The following ASIC2 variants were observed in gnomAD, a reference collection of about 807,000 sequenced individuals.
The protein encoded by ASIC2 is acid sensing ion channel subunit 2.
A neutral mutation model predicts 57.3 loss-of-function variants in ASIC2; 25 were observed. The observed-to-expected ratio is 0.44, with a 90% CI of 0.32 to 0.61. The LOEUF is 0.61. Among genes scored for constraint, ASIC2 ranks in the 20% least tolerant of loss-of-function variants. ASIC2 has a pLI of 0.06. For missense variants in ASIC2, 641 were observed against 738.1 expected (o/e 0.87, Z 1.52); for synonymous variants, 319 against 307.5 (o/e 1.04, Z -0.39).
intron 1 of ASIC2, chr17:34,003,970 TTGG>T (rs1186969494): frequency 6.6e-6 from 1 of 152,230 alleles, no homozygotes; most frequent in Non-Finnish European, 1.5e-5. Context: ...CAGCATGCAA[TTGG>T]CCATCTGATG....
At chr17:33,230,496 G>A (rs1487204375) in intron 1 of ASIC2, among the ~76,000 whole-genome samples, 2 of 152,234 alleles carry the variant, frequency 1.3e-5, no homozygotes, top group Admixed American at 1.3e-4. Flanking sequence ...GGCAAGTGGT[G>A]TGAAGGTACA....
chr17:33,020,622 C>T (rs2091831559), intron 7 of ASIC2, among the ~76,000 whole-genome samples: 1 of 152,096 alleles, frequency 6.6e-6, no homozygotes, highest in Admixed American at 6.5e-5. Flanking sequence ...GCCACTGGAG[C>T]CGGGGAGCTC....
chr17:34,140,673 A>C (rs1912248260), intron 1 of ASIC2, among the ~76,000 whole-genome samples: 1 of 152,246 alleles, frequency 6.6e-6, no homozygotes, highest in Admixed American at 6.5e-5. Flanking sequence ...AATGTGGGAA[A>C]ATTTGAGTTT....
chr17:33,462,392 G>T (rs1484107388), intron 1 of ASIC2, among the ~76,000 whole-genome samples: 2 of 152,160 alleles, frequency 1.3e-5, no homozygotes, highest in Non-Finnish European at 2.9e-5. Context: ...AAGGTATTTT[G>T]TTCTCTGCTT....
At chr17:33,951,678 G>A (rs747028280) in intron 1 of ASIC2, among the ~76,000 whole-genome samples, 6 of 151,818 alleles carry the variant, frequency 4.0e-5, no homozygotes, top group Non-Finnish European at 7.4e-5. Flanking sequence ...CACCTTCTGG[G>A]TTCAAGGGAT....
chr17:33,623,987 C>A (rs953887567), intron 1 of ASIC2: 5 of 152,172 alleles, frequency 3.3e-5, no homozygotes, highest in African/African-American at 1.2e-4. Flanking sequence ...AGGCCCAGAA[C>A]CATTTAGAAA....
chr17:33,059,433 G>A (rs1304764984), intron 3 of ASIC2, among the ~76,000 whole-genome samples: 2 of 152,108 alleles, frequency 1.3e-5, no homozygotes, highest in Non-Finnish European at 2.9e-5. Flanking sequence ...CCTTGCAATA[G>A]TTTCCTGAGA....
chr17:33,590,518 T>C (rs1467793678), intron 1 of ASIC2, among the ~76,000 whole-genome samples: 1 of 152,014 alleles, frequency 6.6e-6, no homozygotes, highest in African/African-American at 2.4e-5. Context: ...ACACCTTCAA[T>C]GGCTGTGTCT....
chr17:33,069,280 G>A (rs551224421), intron 3 of ASIC2, among the ~76,000 whole-genome samples: 70 of 152,206 alleles, frequency 4.6e-4, no homozygotes, highest in Non-Finnish European at 4.1e-4. Flanking sequence ...TAAGCGTGCT[G>A]TGTGTACTCG....
chr17:34,119,612 GACACACACAC>G (rs71369048), intron 1 of ASIC2, among the ~76,000 whole-genome samples: 24 of 148,026 alleles, frequency 1.6e-4, no homozygotes, highest in East Asian at 9.9e-4. Flanking sequence ...TCTCTACACA[GACACACACAC>G]ACACACACAC....
chr17:33,609,898 G>C (rs1461941051), intron 1 of ASIC2, among the ~76,000 whole-genome samples: 1 of 151,958 alleles, frequency 6.6e-6, no homozygotes, highest in African/African-American at 2.4e-5. Flanking sequence ...AGGAGGGGAG[G>C]GGGGAAAATA....
chr17:33,798,643 A>G (rs1319842725), intron 1 of ASIC2, among the ~76,000 whole-genome samples: 2 of 152,174 alleles, frequency 1.3e-5, no homozygotes, highest in Non-Finnish European at 2.9e-5. Flanking sequence ...GGAGGAAATC[A>G]TCTTCAGGAA....
intron 3 of ASIC2, among the ~76,000 whole-genome samples, chr17:33,082,328 A>T (rs1171759887): frequency 6.6e-6 from 1 of 152,192 alleles, no homozygotes; most frequent in Non-Finnish European, 1.5e-5. Flanking sequence ...ACATGGATCA[A>T]CACTTAGAAA....
At chr17:34,147,945 T>A (rs570785715) in intron 1 of ASIC2, among the ~76,000 whole-genome samples, 1 of 152,106 alleles carries the variant, frequency 6.6e-6, no homozygotes, top group African/African-American at 2.4e-5. Flanking sequence ...CTTTGGGAGA[T>A]TTTTTAATGG....
intron 1 of ASIC2, among the ~76,000 whole-genome samples, chr17:34,081,629 A>C (rs1452175913): frequency 6.6e-6 from 1 of 152,208 alleles, no homozygotes; most frequent in East Asian, 1.9e-4. Flanking sequence ...CTTTCACTCA[A>C]GTTCGTACTC....
intron 1 of ASIC2, among the ~76,000 whole-genome samples, chr17:33,446,557 C>T (rs538151642): frequency 2.6e-5 from 4 of 152,132 alleles, no homozygotes; most frequent in Non-Finnish European, 4.4e-5. Flanking sequence ...CGATAGGTTT[C>T]AATCTCCAGG....
At chr17:33,495,826 G>GA (rs1913914555) in intron 1 of ASIC2, among the ~76,000 whole-genome samples, 2 of 152,170 alleles carry the variant, frequency 1.3e-5, no homozygotes, top group Non-Finnish European at 2.9e-5. Flanking sequence ...CAGCCTTAGG[G>GA]ATCCAAGAGC....
intron 1 of ASIC2, chr17:34,039,720 C>T (rs1196674396): frequency 6.8e-6 from 11 of 1,612,300 alleles, no homozygotes; most frequent in Non-Finnish European, 8.5e-6. Flanking sequence ...TCTTGGGAGT[C>T]TCTACTTCTT....
chr17:33,561,241 A>C (rs890794572), intron 1 of ASIC2, among the ~76,000 whole-genome samples: 7 of 152,324 alleles, frequency 4.6e-5, no homozygotes, highest in Middle Eastern at 6.8e-3. Context: ...GTCATGGCCA[A>C]AGGTCAAATT....
Sources: gnomAD v4.1 joint callset for allele counts (sites outside exome capture counted in the v4.1 genomes callset) on GRCh38, gnomAD v4.1.1 for gene constraint, MANE v1.5 for transcripts, NCBI Gene and HGNC (gene_info 2026-07-23, HGNC 2026-07-21) for gene names.